Variants in MAPK8IP1 observed in about 807,000 individuals in gnomAD.
MAPK8IP1 encodes the protein mitogen-activated protein kinase 8 interacting protein 1, also known as C-Jun-amino-terminal kinase-interacting protein 1.
A neutral mutation model predicts 72.6 loss-of-function variants in MAPK8IP1; 17 were observed. The observed-to-expected ratio is 0.23, with a 90% CI of 0.16 to 0.35. The LOEUF is 0.35. Ranked by LOEUF, MAPK8IP1 falls within the 10% of genes least tolerant of loss-of-function variation. The pLI is 1.00. For synonymous variants in MAPK8IP1, 401 were observed against 443.4 expected (o/e 0.90, Z 1.20); for missense variants, 789 against 1,009.7 (o/e 0.78, Z 2.96).
At chr11:45,889,603 C>T (rs779689799) in intron 1 of MAPK8IP1, among the ~76,000 whole-genome samples, 4 of 152,018 alleles carry the variant, frequency 2.6e-5, no homozygotes, top group Non-Finnish European at 5.9e-5. Context: ...AAGAAGGGAG[C>T]GAGCGGCCTG....
Position 45,905,841 on chromosome 11 carries a change from T to A in MAPK8IP1, c.*120T>A. On this transcript the variant is annotated 3_prime_UTR_variant, in exon 12 of 12. Transcript: ENST00000241014. ...CTGCCACCGCCAGAGGACAAGGAAG[T>A]GGGGGCCGCTGGCCCAGGGTAGGGG... The A allele has an allele frequency of 1.1e-6, 1 of 943,108 alleles. No homozygotes were observed. The highest frequency in any genetic ancestry group is 1.3e-5 in the South Asian group (1 of 76,864). 58.4% of individuals were successfully genotyped at this position (943,108 alleles called of 1,614,324 possible). A position where few individuals can be genotyped will look rare whatever the true frequency, so the allele number is the denominator to read the frequency against.
chr11:45,898,407 G>A (rs1012838346), intron 2 of MAPK8IP1, among the ~76,000 whole-genome samples: 13 of 152,114 alleles, frequency 8.5e-5, no homozygotes, highest in African/African-American at 2.7e-4. Context: ...TGCTGTCGGG[G>A]ACTAAGACAG....
At chr11:45,896,552 T>C in intron 1 of MAPK8IP1, 3 of 1,162,760 alleles carry the variant, frequency 2.6e-6, no homozygotes, top group Middle Eastern at 7.1e-4. Flanking sequence ...GTGGCATTGA[T>C]TGCAGTAACC....
chr11:45,904,399 C>A lies in MAPK8IP1; in HGVS notation c.1667-56C>A. On this transcript the variant is annotated intron_variant, in intron 7 of 11. Transcript: ENST00000241014. The surrounding 1 kb of genome is among the most constrained non-coding windows in gnomAD (Gnocchi z 6.4). Reference sequence around the variant, plus strand: ...GCCTCACCCACCCTCCTTCACTTGGCTGCTCAGCTCCCTCCTGCTCTTTCT... The same window carrying A: ...GCCTCACCCACCCTCCTTCACTTGGATGCTCAGCTCCCTCCTGCTCTTTCT... The A allele has an allele frequency of 6.8e-7, 1 of 1,461,980 alleles. No individual in the cohort carries two copies. Among genetic ancestry groups the A allele is most frequent in the Non-Finnish European group, 9.6e-7 (1 of 1,047,022 alleles). 90.6% of individuals were successfully genotyped at this position (1,461,980 alleles called of 1,614,324 possible).
chr11:45,885,940 C>A lies in MAPK8IP1; in HGVS notation c.101+19C>A. The stretch of plus-strand genomic sequence containing the variant: ...ATTTCAGGTGAGAGTCCCCGGCCGC[C>A]GCGCGCCTCGCCCTTCAGCGGGGAC... On this transcript the variant is annotated intron_variant, in intron 1 of 11. Coordinates refer to ENST00000241014, the MANE Select transcript of MAPK8IP1 (RefSeq NM_005456.4). 1 of 1,445,888 alleles carries A rather than the reference C, an allele frequency of 6.9e-7. No homozygotes were observed. The allele number at this position is 1,445,888 out of a possible 1,614,324, so 89.6% of individuals were successfully genotyped here. A position where few individuals can be genotyped will look rare whatever the true frequency, so the allele number is the denominator to read the frequency against.
intron 1 of MAPK8IP1, chr11:45,896,993 G>T (rs1373930437): frequency 1.3e-6 from 2 of 1,548,992 alleles, no homozygotes; most frequent in South Asian, 1.2e-5. Flanking sequence ...CCGAGTTGGG[G>T]TGAGCTCCAT....
At chr11:45,887,737 G>A (rs1239553158) in intron 1 of MAPK8IP1, among the ~76,000 whole-genome samples, 3 of 152,242 alleles carry the variant, frequency 2.0e-5, no homozygotes, top group Admixed American at 6.5e-5. Context: ...AGTAGGCCAC[G>A]AGGCTGAGGT....
At chr11:45,887,752 G>T (rs1482309473) in intron 1 of MAPK8IP1, among the ~76,000 whole-genome samples, 1 of 152,240 alleles carries the variant, frequency 6.6e-6, no homozygotes, top group Non-Finnish European at 1.5e-5. Context: ...TGAGGTGTGG[G>T]CCAGCACTCC....
At chr11:45,905,627 C>G (rs746053273) in intron 11 of MAPK8IP1, 22 bp from the exon 12 acceptor site, 5 of 1,605,890 alleles carry the variant, frequency 3.1e-6, no homozygotes, top group Non-Finnish European at 4.3e-6. Flanking sequence ...TCTGAGCCAT[C>G]TGTGTGTCCC....
rs778430101 is a variant in MAPK8IP1 at position 45,902,469 on chromosome 11, C to T, written c.702C>T (p.Asp234=). ...APTTDRGTST[D]SPCRRSTATQ... ...CCACAGATCGAGGCACCTCCACCGA[C>T]AGCCCTTGCCGCCGCAGCACAGCCA... Residue 234 remains aspartate (D), a synonymous_variant, in exon 5 of 12, where the codon GAC becomes GAT. Transcript: ENST00000241014. This position sits in a 1 kb window ranked among gnomAD's most constrained non-coding sequence, Gnocchi z 9.3. 3 of 1,602,678 alleles carry T rather than the reference C, an allele frequency of 1.9e-6. No individual in the cohort carries two copies. In the South Asian group the frequency reaches 3.3e-5, roughly 18 times the overall value.
Position 45,885,799 on chromosome 11 carries a change from A to T in MAPK8IP1, c.-22A>T. On this transcript the variant is annotated 5_prime_UTR_variant, in exon 1 of 12. An upstream start codon of the reference 5' UTR is lost. Coordinates refer to ENST00000241014, the MANE Select transcript of MAPK8IP1 (RefSeq NM_005456.4). ...CTCCTCCGCGCCGCGCTCCGCCCGGATGGCCAGGGCTGTGCCCGAGAATGG... is the reference window on the plus strand; with the variant it reads ...CTCCTCCGCGCCGCGCTCCGCCCGGTTGGCCAGGGCTGTGCCCGAGAATGG... 1 of 1,265,166 alleles carries T rather than the reference A, an allele frequency of 7.9e-7. No homozygotes were observed. The allele number at this position is 1,265,166 out of a possible 1,614,324, so 78.4% of individuals were successfully genotyped here.
chr11:45,893,667 G>A (rs892821522), intron 1 of MAPK8IP1, among the ~76,000 whole-genome samples: 1 of 151,958 alleles, frequency 6.6e-6, no homozygotes, highest in Non-Finnish European at 1.5e-5. Context: ...GGTGAGGGAG[G>A]CCGGCCTGCG....
chr11:45,888,529 G>A (rs1334861789), intron 1 of MAPK8IP1, among the ~76,000 whole-genome samples: 2 of 152,186 alleles, frequency 1.3e-5, no homozygotes, highest in Admixed American at 6.5e-5. Flanking sequence ...GAGCATGTGC[G>A]GAGGGGGCGA....
chr11:45,901,955 C>T (rs758694589), intron 3 of MAPK8IP1, 25 bp from the exon 4 acceptor site: 18 of 1,593,352 alleles, frequency 1.1e-5, no homozygotes, highest in Non-Finnish European at 1.6e-5. Context: ...ACTTCCATCA[C>T]AAGAGCCTTT....
At position 45,904,596 on chromosome 11, in the gene MAPK8IP1, G is replaced by A. The variant is rs895247147; in HGVS notation, c.1776+32G>A. 4 of 1,608,328 alleles carry A rather than the reference G, an allele frequency of 2.5e-6. No homozygotes were observed. In the Admixed American group the frequency reaches 5.0e-5, roughly 20 times the overall value. ...GAGCCCTCTCCCTTCTCCTCCCTTG[G>A]ATGGGTCCCTGGGGCAGAGGGACGC... On this transcript the variant is annotated intron_variant, in intron 8 of 11. Transcript: ENST00000241014. This position sits in a 1 kb window ranked among gnomAD's most constrained non-coding sequence, Gnocchi z 6.4.
At chr11:45,888,412 T>G (rs1290529849) in intron 1 of MAPK8IP1, among the ~76,000 whole-genome samples, 2 of 152,180 alleles carry the variant, frequency 1.3e-5, no homozygotes, top group Non-Finnish European at 2.9e-5. Flanking sequence ...CACACTTGCA[T>G]GAAGAAACTG....
chr11:45,896,543 T>A lies in MAPK8IP1; in HGVS notation c.102-1542T>A, dbSNP rs1296400534. ...GCATTGGAAGGGCAGGTGGAGCCAG[T>A]GGCATTGATTGCAGTAACCTGATCC... On this transcript the variant is annotated intron_variant, in intron 1 of 11. Coordinates refer to ENST00000241014, the MANE Select transcript of MAPK8IP1 (RefSeq NM_005456.4). The A allele has an allele frequency of 3.5e-6, 4 of 1,138,870 alleles. No individual in the cohort carries two copies. In the Admixed American group the frequency reaches 1.7e-4, roughly 48 times the overall value. 70.5% of individuals were successfully genotyped at this position (1,138,870 alleles called of 1,614,324 possible).
In MAPK8IP1 at chr11:45,897,691, G is replaced by A. The variant is rs185269453; in HGVS notation, c.102-394G>A. On this transcript the variant is annotated intron_variant, in intron 1 of 11. Coordinates refer to ENST00000241014, the MANE Select transcript of MAPK8IP1 (RefSeq NM_005456.4). The stretch of plus-strand genomic sequence containing the variant: ...TGCTACTGCAGGGATTGCACTGGGA[G>A]CTCCCCTACTCCAGGCTGCTCTTCT... Among the ~76,000 whole-genome samples the A allele has an allele frequency of 8.5e-5, 13 of 152,340 alleles. 1 individual carries two copies. The highest frequency in any genetic ancestry group is 6.8e-3 in the Middle Eastern group (2 of 294).
At chr11:45,897,692 C>T (rs2086619104) in intron 1 of MAPK8IP1, among the ~76,000 whole-genome samples, 1 of 152,240 alleles carries the variant, frequency 6.6e-6, no homozygotes, top group Admixed American at 6.5e-5. Flanking sequence ...GCACTGGGAG[C>T]TCCCCTACTC....
Sources: allele counts gnomAD v4.1 joint callset (sites outside exome capture counted in the v4.1 genomes callset), GRCh38; gene constraint gnomAD v4.1.1; non-coding constraint Gnocchi (gnomAD v3.1); transcripts MANE v1.5; gene names NCBI Gene and HGNC (gene_info 2026-07-23, HGNC 2026-07-21).